RAPGEF1: variants seen among roughly 807,000 people sequenced by gnomAD.
RAPGEF1 encodes the protein Rap guanine nucleotide exchange factor 1, also known as CRK SH3-binding GNRP.
In RAPGEF1, 33 loss-of-function variants were observed where a neutral mutation model predicts 143.3. The observed-to-expected ratio is 0.23, with a 90% CI of 0.17 to 0.31. The LOEUF (loss-of-function observed/expected upper bound fraction) is 0.31, where lower values mean the gene tolerates loss of function less well. Ranked by LOEUF, RAPGEF1 falls within the 10% of genes least tolerant of loss-of-function variation. The probability of loss-of-function intolerance (pLI) is 1.00; values close to 1 mark genes in which losing one functional copy is unlikely to be tolerated. For missense variants in RAPGEF1, 1,199 were observed against 1,645.4 expected (o/e 0.73, Z 4.69); for synonymous variants, 629 against 676.5 (o/e 0.93, Z 1.09).
At position 131,580,410 on chromosome 9, in the gene RAPGEF1, C is replaced by T. The variant is rs1254723076; in HGVS notation, c.3513-19G>A. ...CAGCCCCCTGGGAGGACGGGTTAGGCAGCCTGTTACTGCTACGGGGTTTGG... is the reference window on the plus strand; with the variant it reads ...CAGCCCCCTGGGAGGACGGGTTAGGTAGCCTGTTACTGCTACGGGGTTTGG... On this transcript the variant is annotated intron_variant, in intron 25 of 26. Transcript: ENST00000683357. The T allele has an allele frequency of 1.2e-6, 2 of 1,610,594 alleles. No homozygotes were observed. The highest frequency in any genetic ancestry group is 1.1e-5 in the South Asian group (1 of 90,674).
intron 12 of RAPGEF1, among the ~76,000 whole-genome samples, chr9:131,618,674 G>A (rs1959637572): frequency 6.6e-6 from 1 of 152,154 alleles, no homozygotes. Context: ...TCAGCCTCCT[G>A]AGGAGTGGGG....
intron 12 of RAPGEF1, among the ~76,000 whole-genome samples, chr9:131,608,788 C>T (rs1957530841): frequency 6.6e-6 from 1 of 152,196 alleles, no homozygotes. Context: ...TGCATCAGGG[C>T]TCATGGTCAC....
chr9:131,592,941 C>A (rs1954595338), intron 17 of RAPGEF1, among the ~76,000 whole-genome samples: 1 of 152,170 alleles, frequency 6.6e-6, no homozygotes. Context: ...CAAGGTTTCA[C>A]CATGTTGGCC....
At chr9:131,616,799 G>T (rs1959079111) in intron 12 of RAPGEF1, among the ~76,000 whole-genome samples, 1 of 152,108 alleles carries the variant, frequency 6.6e-6, no homozygotes, top group African/African-American at 2.4e-5. Flanking sequence ...CTATGTCTGG[G>T]GCTCATCTCA....
In RAPGEF1 at chr9:131,584,948, TTGTGTGATGCAGGAC is replaced by T. The variant is rs1952469069; in HGVS notation, c.3234-367_3234-353del. Among the ~76,000 whole-genome samples, 1 of 152,186 alleles carries T rather than the reference TTGTGTGATGCAGGAC, an allele frequency of 6.6e-6. No homozygotes were observed. The highest frequency in any genetic ancestry group is 1.5e-5 in the Non-Finnish European group (1 of 68,026). On this transcript the variant is annotated intron_variant, in intron 22 of 26. Transcript: ENST00000683357. The surrounding 1 kb of genome is among the most constrained non-coding windows in gnomAD (Gnocchi z 6.8). The stretch of plus-strand genomic sequence containing the variant: ...AGTACCAGGGGGCTGGGCAAGTTCC[TTGTGTGATGCAGGAC>T]TGGCTCGGGGAGACCCGCTAGCACG...
chr9:131,644,678 C>T (rs1420545256), intron 3 of RAPGEF1, among the ~76,000 whole-genome samples: 2 of 152,010 alleles, frequency 1.3e-5, no homozygotes, highest in Non-Finnish European at 1.5e-5. Flanking sequence ...AAAATAGTGC[C>T]GATTGGCCAG....
intron 1 of RAPGEF1, among the ~76,000 whole-genome samples, chr9:131,733,982 C>T (rs1276991025): frequency 6.6e-6 from 1 of 152,212 alleles, no homozygotes; most frequent in Admixed American, 6.5e-5. Context: ...TCTAAAAACA[C>T]ACTTAGCTGG....
Position 131,588,955 on chromosome 9 carries a change from G to A in RAPGEF1, c.2899C>T (p.Leu967=), listed in dbSNP as rs576519946. ...LVELTEEILK[L]LMELVFRLVC... ...AGGCGGAAGACCAGTTCCATCAGCA[G>A]CTTCAGGATCTCTTCTGTCAACTCC... Residue 967 remains leucine, a synonymous_variant, in exon 20 of 27, where the codon CTG becomes TTG. Coordinates refer to ENST00000683357, the MANE Select transcript of RAPGEF1 (RefSeq NM_001377935.1). 1 of 1,613,858 alleles carries A rather than the reference G, an allele frequency of 6.2e-7. No individual in the cohort carries two copies. The highest frequency in any genetic ancestry group is 1.3e-5 in the African/African-American group (1 of 75,052).
intron 1 of RAPGEF1, among the ~76,000 whole-genome samples, chr9:131,697,383 T>C (rs1834269451): frequency 2.6e-5 from 4 of 152,248 alleles, no homozygotes. Flanking sequence ...AGGTCTTTGC[T>C]GAGATTGCAG....
rs770403896 is a variant in RAPGEF1, at chr9:131,584,287, C to T, written c.3414+24G>A. 114 of 1,583,258 alleles carry T rather than the reference C, an allele frequency of 7.2e-5. No individual in the cohort carries two copies. In the Middle Eastern group the frequency reaches 1.0e-3, roughly 14 times the overall value. On this transcript the variant is annotated intron_variant, in intron 24 of 26. Transcript: ENST00000683357. This position sits in a 1 kb window ranked among gnomAD's most constrained non-coding sequence, Gnocchi z 6.8. The stretch of plus-strand genomic sequence containing the variant: ...CGGCCCCCCTTACCAGCCACCCTCC[C>T]GCCCACGCCCCAAGGCCACTCACCT...
rs1428000394 is a variant in RAPGEF1 at position 131,588,008 on chromosome 9, G to A, written c.3072C>T (p.Asp1024=). 6.2e-7 allele frequency: 1 copy of A among 1,612,788 alleles called. No individual in the cohort carries two copies. Residue 1024 remains aspartate, a synonymous_variant, in exon 21 of 27, where the codon GAC becomes GAT. Transcript: ENST00000683357. ...GVAARPGTLH[D]FHSHEIAEQL... is the part of the protein sequence containing the mutation. Reference sequence around the variant, plus strand: ...GCTCCGCTATCTCATGGCTGTGAAAGTCGTGCAAGGTCCCCGGCCTGGAAG... The same window carrying A: ...GCTCCGCTATCTCATGGCTGTGAAAATCGTGCAAGGTCCCCGGCCTGGAAG...
At chr9:131,656,298 G>C (rs1037110277) in intron 1 of RAPGEF1, among the ~76,000 whole-genome samples, 1 of 152,134 alleles carries the variant, frequency 6.6e-6, no homozygotes, top group Non-Finnish European at 1.5e-5. Flanking sequence ...CTGGCTTTTA[G>C]CCTATTAGTC....
At chr9:131,719,335 G>A (rs753978873) in intron 1 of RAPGEF1, among the ~76,000 whole-genome samples, 31 of 151,986 alleles carry the variant, frequency 2.0e-4, no homozygotes, top group Admixed American at 1.0e-3. Context: ...TTTTTCCCTC[G>A]CAATACTGCT....
rs1952373060 is a variant in RAPGEF1, at chr9:131,584,396, T to C, written c.3329A>G (p.Asn1110Ser). The C allele has an allele frequency of 1.2e-6, 2 of 1,613,746 alleles. No homozygotes were observed. The highest frequency in any genetic ancestry group is 8.5e-7 in the Non-Finnish European group (1 of 1,179,854). ...GATGGCCAAGTAGGAGTTGAAGTTA[T>C]TCAGCTTCCGCAAGTGCTGCCGAGA... ...IKIMKHLRKLNNFNSYLAILS... is the reference protein window; with the variant it reads ...IKIMKHLRKLSNFNSYLAILS... Residue 1110 changes from asparagine to serine, a missense_variant, in exon 24 of 27, where the codon AAT becomes AGT. Asn to Ser is a conservative substitution (Grantham distance 46). Transcript: ENST00000683357. This position sits in a 1 kb window ranked among gnomAD's most constrained non-coding sequence, Gnocchi z 6.8.
At chr9:131,586,865 C>A (rs1953065606) in intron 22 of RAPGEF1, among the ~76,000 whole-genome samples, 1 of 100,978 alleles carries the variant, frequency 9.9e-6, no homozygotes, top group East Asian at 2.9e-4. Context: ...CACACACACA[C>A]CTGCAGAGCG....
At chr9:131,726,516 C>T (rs941055986) in intron 1 of RAPGEF1, among the ~76,000 whole-genome samples, 26 of 151,988 alleles carry the variant, frequency 1.7e-4, no homozygotes, top group Non-Finnish European at 1.5e-5. Flanking sequence ...ATCCCAGCTA[C>T]TTGGGAGGCT....
At chr9:131,598,742 C>T (rs977683440) in intron 15 of RAPGEF1, among the ~76,000 whole-genome samples, 4 of 152,098 alleles carry the variant, frequency 2.6e-5, no homozygotes, top group Non-Finnish European at 4.4e-5. Flanking sequence ...CTTTGCTTGG[C>T]GCTAAGAAAG....
intron 1 of RAPGEF1, among the ~76,000 whole-genome samples, chr9:131,701,281 T>A (rs900632423): frequency 1.3e-5 from 2 of 152,190 alleles, no homozygotes; most frequent in African/African-American, 2.4e-5. Flanking sequence ...TGTTCTAAAT[T>A]TGGAGGTATC....
rs1053286195 is a variant in RAPGEF1 at position 131,629,319 on chromosome 9, C to A, written c.741-65G>T. On this transcript the variant is annotated intron_variant, in intron 6 of 26. Coordinates refer to ENST00000683357, the MANE Select transcript of RAPGEF1 (RefSeq NM_001377935.1). ...AGGCGGGACAGAGCACACACAGGCC[C>A]TGAGAGGGTGAGGACGTGACCAGGA... The A allele has an allele frequency of 3.5e-5, 52 of 1,501,216 alleles. No individual in the cohort carries two copies. The Admixed American group carries it at 9.2e-4, about 27-fold the overall frequency. 93.0% of individuals were successfully genotyped at this position (1,501,216 alleles called of 1,614,324 possible). A position where few individuals can be genotyped will look rare whatever the true frequency, so the allele number is the denominator to read the frequency against.
Sources: gnomAD v4.1 joint callset for allele counts (sites outside exome capture counted in the v4.1 genomes callset) on GRCh38, gnomAD v4.1.1 for gene constraint, Gnocchi (gnomAD v3.1) non-coding constraint, MANE v1.5 for transcripts, NCBI Gene and HGNC (gene_info 2026-07-23, HGNC 2026-07-21) for gene names.